The following BMPR1A variants were observed in gnomAD, a reference collection of about 807,000 sequenced individuals.
BMPR1A encodes the protein bone morphogenetic protein receptor type-1A.
BMPR1A carries 7 observed loss-of-function variants against 66.0 expected under a neutral mutation model. The observed-to-expected ratio is 0.11, with a 90% CI of 0.06 to 0.20. BMPR1A has a LOEUF of 0.20. BMPR1A is among the 10% of genes least tolerant of loss of function. The pLI is 1.00. For synonymous variants in BMPR1A, 200 were observed against 229.7 expected (o/e 0.87, Z 1.17); for missense variants, 408 against 669.1 (o/e 0.61, Z 4.31).
At chr10:86,859,440 G>T (rs1371344830) in intron 2 of BMPR1A, among the ~76,000 whole-genome samples, 1 of 151,940 alleles carries the variant, frequency 6.6e-6, no homozygotes, top group African/African-American at 2.4e-5. Context: ...AAGTGCTGGG[G>T]TTATAGGTGT....
chr10:86,920,449 A>G (rs890866920), intron 10 of BMPR1A, among the ~76,000 whole-genome samples: 13 of 152,358 alleles, frequency 8.5e-5, no homozygotes, highest in South Asian at 8.3e-4. Context: ...TTGTAATTCT[A>G]GAATGGAGTG....
intron 1 of BMPR1A, among the ~76,000 whole-genome samples, chr10:86,785,204 G>A (rs1279424041): frequency 6.6e-6 from 1 of 152,194 alleles, no homozygotes; most frequent in African/African-American, 2.4e-5. Flanking sequence ...TCTTAAATTT[G>A]CTAAGACTTG....
intron 3 of BMPR1A, among the ~76,000 whole-genome samples, chr10:86,880,545 C>T (rs1435297569): frequency 2.0e-5 from 3 of 152,240 alleles, no homozygotes; most frequent in East Asian, 1.9e-4. Context: ...TGGCTACCAC[C>T]GTGTACTCAC....
At chr10:86,865,647 G>T (rs1842777251) in intron 2 of BMPR1A, among the ~76,000 whole-genome samples, 1 of 152,106 alleles carries the variant, frequency 6.6e-6, no homozygotes, top group Non-Finnish European at 1.5e-5. Context: ...TTGACAAAAA[G>T]AAATTATCTT....
At chr10:86,887,613 TG>T (rs771694908) in intron 3 of BMPR1A, among the ~76,000 whole-genome samples, 12 of 152,216 alleles carry the variant, frequency 7.9e-5, no homozygotes, top group Non-Finnish European at 1.5e-4. Context: ...TGCCCGTAAC[TG>T]CGACTTGAAC....
At chr10:86,893,762 T>C (rs1420426205) in intron 5 of BMPR1A, among the ~76,000 whole-genome samples, 1 of 150,202 alleles carries the variant, frequency 6.7e-6, no homozygotes, top group African/African-American at 2.4e-5. Flanking sequence ...CACTCCAGCC[T>C]GGGCAACAGA....
At chr10:86,818,283 C>T (rs1238856286) in intron 1 of BMPR1A, among the ~76,000 whole-genome samples, 1 of 152,322 alleles carries the variant, frequency 6.6e-6, no homozygotes, top group South Asian at 2.1e-4. Flanking sequence ...TCCAAAAGTG[C>T]TGGGATTACA....
At chr10:86,828,642 C>T (rs1176453971) in intron 1 of BMPR1A, among the ~76,000 whole-genome samples, 1 of 152,114 alleles carries the variant, frequency 6.6e-6, no homozygotes, top group Non-Finnish European at 1.5e-5. Flanking sequence ...AATCTAGAAT[C>T]ACTCTCTGAT....
chr10:86,814,343 G>A (rs565956554), intron 1 of BMPR1A, among the ~76,000 whole-genome samples: 1 of 152,102 alleles, frequency 6.6e-6, no homozygotes, highest in African/African-American at 2.4e-5. Flanking sequence ...AGTGTTGCTT[G>A]TTCTCCTGCT....
Position 86,919,264 on chromosome 10 carries a change from C to T in BMPR1A, c.961C>T (p.Leu321=), listed in dbSNP as rs377412651. Residue 321 remains leucine, a synonymous_variant, in exon 10 of 13, where the codon CTG becomes TTG. Coordinates refer to ENST00000372037, the MANE Select transcript of BMPR1A (RefSeq NM_004329.3). The part of the protein sequence containing the change: ...YHENGSLYDF[L]KCATLDTRAL... ...TGAAAATGGATCTCTCTATGACTTCCTGAAATGTGCTACACTGGACACCAG... is the reference window on the plus strand; with the variant it reads ...TGAAAATGGATCTCTCTATGACTTCTTGAAATGTGCTACACTGGACACCAG... 153 of 1,613,838 alleles carry T rather than the reference C, an allele frequency of 9.5e-5. No homozygotes were observed. Among genetic ancestry groups the T allele is most frequent in the Admixed American group, 6.2e-4 (37 of 59,992 alleles).
At chr10:86,843,211 T>C (rs1235397063) in intron 2 of BMPR1A, among the ~76,000 whole-genome samples, 1 of 152,204 alleles carries the variant, frequency 6.6e-6, no homozygotes, top group Admixed American at 6.5e-5. Context: ...TTTGAAATCG[T>C]CCTTCCTTTT....
At chr10:86,895,760 G>A (rs1359208004) in intron 5 of BMPR1A, among the ~76,000 whole-genome samples, 1 of 152,118 alleles carries the variant, frequency 6.6e-6, no homozygotes, top group East Asian at 1.9e-4. Flanking sequence ...AGGTGCAGTG[G>A]CTCATGCCTG....
chr10:86,765,295 G>C (rs1487657620), intron 1 of BMPR1A, among the ~76,000 whole-genome samples: 3 of 151,938 alleles, frequency 2.0e-5, no homozygotes, highest in African/African-American at 7.3e-5. Flanking sequence ...AGACCAGCCT[G>C]ACCAACATGG....
At chr10:86,768,438 TTTAA>T (rs1841201987) in intron 1 of BMPR1A, among the ~76,000 whole-genome samples, 1 of 152,318 alleles carries the variant, frequency 6.6e-6, no homozygotes, top group South Asian at 2.1e-4. Context: ...GCATAGTAAC[TTTAA>T]TTGTGTTCAC....
intron 1 of BMPR1A, among the ~76,000 whole-genome samples, chr10:86,789,922 C>T (rs1466458696): frequency 1.1e-4 from 16 of 150,048 alleles, no homozygotes; most frequent in Non-Finnish European, 5.9e-5. Context: ...TTTGGGAGGC[C>T]GAGGAGGGCA....
At chr10:86,880,378 T>C (rs1049590562) in intron 3 of BMPR1A, among the ~76,000 whole-genome samples, 2 of 152,236 alleles carry the variant, frequency 1.3e-5, no homozygotes, top group African/African-American at 4.8e-5. Context: ...CCTGCTTTAT[T>C]TGGTATTGTA....
In BMPR1A at chr10:86,921,595, C is replaced by G. The variant is rs767296986; in HGVS notation, c.1242C>G (p.Asp414Glu). The G allele has an allele frequency of 6.2e-7, 1 of 1,614,152 alleles. No homozygotes were observed. Among genetic ancestry groups the G allele is most frequent in the Non-Finnish European group, 8.5e-7 (1 of 1,180,030 alleles). ...GCTACATGGCTCCCGAAGTGCTGGA[C>G]GAAAGCCTGAACAAAAACCACTTCC... ...TKRYMAPEVL[D>E]ESLNKNHFQP... is the part of the protein sequence containing the mutation. Residue 414 changes from aspartate to glutamate, a missense_variant, in exon 11 of 13, where the codon GAC becomes GAG. Around this residue, in one of 5 missense-constraint regions of BMPR1A, gnomAD observed 130 missense variants for 257.3 expected, o/e 0.51. Coordinates refer to ENST00000372037, the MANE Select transcript of BMPR1A (RefSeq NM_004329.3).
intron 3 of BMPR1A, among the ~76,000 whole-genome samples, chr10:86,876,793 A>AT (rs1842926416): frequency 6.6e-6 from 1 of 152,182 alleles, no homozygotes; most frequent in Admixed American, 6.5e-5. Flanking sequence ...AAAAAATTTC[A>AT]TTTTATTGTT....
chr10:86,760,543 C>G (rs1406550618), intron 1 of BMPR1A, among the ~76,000 whole-genome samples: 1 of 151,972 alleles, frequency 6.6e-6, no homozygotes, highest in Non-Finnish European at 1.5e-5. Context: ...GCCTTTATAG[C>G]AGTTTTTATA....
Sources: allele counts gnomAD v4.1 joint callset (sites outside exome capture counted in the v4.1 genomes callset), GRCh38; gene constraint gnomAD v4.1.1; regional missense constraint gnomAD v4.1.1; transcripts MANE v1.5; gene names NCBI Gene and HGNC (gene_info 2026-07-23, HGNC 2026-07-21).